The following AKAP13 variants were observed in gnomAD, a reference collection of about 807,000 sequenced individuals.
AKAP13 encodes A-kinase anchoring protein 13, also known as A-kinase anchor protein 13.
AKAP13 carries 80 observed loss-of-function variants against 264.5 expected under a neutral mutation model. The ratio of observed to expected loss-of-function variants is 0.30; its 90% CI spans 0.25 to 0.36. The LOEUF (loss-of-function observed/expected upper bound fraction) is 0.36. Among genes scored for constraint, AKAP13 ranks in the 10% least tolerant of loss-of-function variants. AKAP13 has a pLI of 1.00. For missense variants in AKAP13, 3,712 were observed against 3,435.2 expected, an observed-to-expected ratio of 1.08 and a Z score of -2.01; for synonymous variants, 1,380 against 1,250.2, an observed-to-expected ratio of 1.10 and a Z score of -2.19.
At chr15:85,420,301 C>T (rs1230960147) in intron 1 of AKAP13, among the ~76,000 whole-genome samples, 2 of 151,854 alleles carry the variant, frequency 1.3e-5, no homozygotes, top group Non-Finnish European at 2.9e-5. Flanking sequence ...GGCTTCAAGA[C>T]GTAGACTGTT....
chr15:85,687,515 C>T (rs2085009678), intron 16 of AKAP13, among the ~76,000 whole-genome samples: 1 of 152,162 alleles, frequency 6.6e-6, no homozygotes, highest in East Asian at 1.9e-4. Context: ...ATTGGTTCCT[C>T]TTTCAGACTT....
chr15:85,637,764 G>T (rs1008711563), intron 8 of AKAP13, among the ~76,000 whole-genome samples: 12 of 151,726 alleles, frequency 7.9e-5, no homozygotes, highest in African/African-American at 2.9e-4. Context: ...TACAAATATT[G>T]CTGTTAGCAC....
At position 85,722,068 on chromosome 15, in the gene AKAP13, C is replaced by T. The variant is rs759375155; in HGVS notation, c.6330C>T (p.Tyr2110=). The change falls in exon 24 of 37, where the codon TAC becomes TAT. Residue 2110 remains tyrosine (Y), a synonymous_variant. Transcript: ENST00000394518. ...FCGQHNQSVN[Y]FKDLYAKDKR... ...GGCAACATAACCAGTCTGTAAACTA[C>T]TTCAAAGACCTTTATGCCAAGGATA... 6.2e-6 allele frequency: 10 copies of T among 1,614,152 alleles called. No individual in the cohort carries two copies. The South Asian group carries it at 9.9e-5, about 16-fold the overall frequency.
At chr15:85,440,952 G>A (rs4842882) in intron 1 of AKAP13, among the ~76,000 whole-genome samples, 117,122 of 152,078 alleles carry the variant, frequency 0.77, 45,468 homozygotes, top group African/African-American at 0.81. Context: ...AAGAGCCCAC[G>A]GTTTGAAAGC....
chr15:85,594,224 T>A (rs1212672230), intron 8 of AKAP13, among the ~76,000 whole-genome samples: 1 of 152,236 alleles, frequency 6.6e-6, no homozygotes, highest in Non-Finnish European at 1.5e-5. Flanking sequence ...AAGGGTGTAC[T>A]AATTTATTCA....
chr15:85,556,707 G>T (rs976658624), intron 5 of AKAP13, among the ~76,000 whole-genome samples: 2 of 152,148 alleles, frequency 1.3e-5, no homozygotes, highest in Admixed American at 6.5e-5. Flanking sequence ...TCCCTGGCCA[G>T]CTCATTGCCA....
At chr15:85,565,220 G>A (rs2078562308) in intron 5 of AKAP13, among the ~76,000 whole-genome samples, 1 of 150,298 alleles carries the variant, frequency 6.7e-6, no homozygotes, top group Admixed American at 6.8e-5. Flanking sequence ...TTTATTCAGG[G>A]TGATAGTTTC....
intron 4 of AKAP13, among the ~76,000 whole-genome samples, chr15:85,542,055 A>G (rs1373670662): frequency 6.6e-6 from 1 of 152,238 alleles, no homozygotes; most frequent in East Asian, 1.9e-4. Flanking sequence ...CTAAAGAATC[A>G]GGTATTTCCT....
rs2087491854 is a variant in AKAP13 at position 85,724,571 on chromosome 15, C to T, written c.6745+1251C>T. Among the ~76,000 whole-genome samples the T allele has an allele frequency of 6.6e-6, 1 of 151,362 alleles. No homozygotes were observed. Among genetic ancestry groups the T allele is most frequent in the Non-Finnish European group, 1.5e-5 (1 of 67,904 alleles). On this transcript the variant is annotated intron_variant, in intron 26 of 36. Coordinates refer to ENST00000394518, the MANE Select transcript of AKAP13 (RefSeq NM_007200.5). The surrounding 1 kb of genome is among the most constrained non-coding windows in gnomAD (Gnocchi z 4.2). ...GTGACGGGAAACCAGCCCAAAGAAA[C>T]GGGAGGGGCCAGGTTGTAATGAGGT... is the stretch of plus-strand genomic sequence containing the variant.
intron 19 of AKAP13, among the ~76,000 whole-genome samples, chr15:85,713,991 G>A (rs779359191): frequency 1.1e-4 from 16 of 152,094 alleles, no homozygotes; most frequent in Non-Finnish European, 1.3e-4. Flanking sequence ...TGAATAACTC[G>A]GATGATAGGT....
At chr15:85,499,079 G>A (rs1430787243) in intron 2 of AKAP13, among the ~76,000 whole-genome samples, 2 of 152,136 alleles carry the variant, frequency 1.3e-5, no homozygotes, top group African/African-American at 4.8e-5. Flanking sequence ...AAGATGCATG[G>A]GAAAGTGTAT....
chr15:85,716,674 T>A (rs1196491681), intron 20 of AKAP13, among the ~76,000 whole-genome samples: 1 of 152,254 alleles, frequency 6.6e-6, no homozygotes, highest in Non-Finnish European at 1.5e-5. Context: ...TGTTTTCTCC[T>A]CCTCTAAAAA....
chr15:85,631,500 TCTCACACA>T (rs1286372807), intron 8 of AKAP13, among the ~76,000 whole-genome samples: 266 of 80,160 alleles, frequency 3.3e-3, no homozygotes, highest in Middle Eastern at 6.8e-3. Flanking sequence ...TCTCTCTCTC[TCTCACACA>T]CACACACACA....
chr15:85,630,234 A>AACACACACACACACACACACACAC lies in AKAP13; in HGVS notation c.4162-9130_4162-9107dup, dbSNP rs71141472. On this transcript the variant is annotated intron_variant, in intron 8 of 36. Transcript: ENST00000394518. ...ATCATGAACTAAGATGGAAAATTGT[A>AACACACACACACACACACACACAC]ACACACACACACACACACACACACA... is the stretch of plus-strand genomic sequence containing the variant. 2.0e-3 allele frequency among the ~76,000 whole-genome samples: 237 copies of AACACACACACACACACACACACAC among 119,136 alleles called. 3 individuals carry two copies. Among genetic ancestry groups the AACACACACACACACACACACACAC allele is most frequent in the African/African-American group, 6.1e-3 (190 of 31,314 alleles). 78.2% of individuals were successfully genotyped at this position (119,136 alleles called of 152,430 possible).
chr15:85,671,418 AGT>A (rs2151569341), intron 14 of AKAP13, among the ~76,000 whole-genome samples: 1 of 123,804 alleles, frequency 8.1e-6, no homozygotes, highest in Admixed American at 9.2e-5. Context: ...TGGGTGATAG[AGT>A]GAGACACTGC....
chr15:85,426,539 G>A (rs2072787988), intron 1 of AKAP13, among the ~76,000 whole-genome samples: 1 of 152,018 alleles, frequency 6.6e-6, no homozygotes, highest in East Asian at 1.9e-4. Context: ...TATTTAAAGT[G>A]TATTTTCACA....
At chr15:85,519,794 T>C (rs890512627) in intron 2 of AKAP13, among the ~76,000 whole-genome samples, 4 of 152,198 alleles carry the variant, frequency 2.6e-5, no homozygotes, top group Admixed American at 2.6e-4. Flanking sequence ...TTTGACTTGA[T>C]GATTTTTGCT....
chr15:85,535,799 CTTTT>C (rs60026361), intron 4 of AKAP13: 4 of 138,288 alleles, frequency 2.9e-5, no homozygotes, highest in African/African-American at 5.4e-5. Flanking sequence ...CTTTCTCTCT[CTTTT>C]TTTTTTTTTT....
chr15:85,580,378 G>T lies in AKAP13; in HGVS notation c.2310G>T (p.Glu770Asp). 6.2e-7 allele frequency: 1 copy of T among 1,614,250 alleles called. No homozygotes were observed. ...SHPHPVVPKM[E>D]KELVPDQAVI... Reference sequence around the variant, plus strand: ...CACATCCAGTTGTCCCTAAAATGGAGAAAGAACTGGTGCCAGACCAGGCAG... The same window carrying T: ...CACATCCAGTTGTCCCTAAAATGGATAAAGAACTGGTGCCAGACCAGGCAG... Residue 770 changes from glutamate (E) to aspartate (D), a missense_variant, in exon 7 of 37, where the codon GAG (glutamate) becomes GAT (aspartate). Coordinates refer to ENST00000394518, the MANE Select transcript of AKAP13 (RefSeq NM_007200.5).
Sources: gnomAD v4.1 joint callset for allele counts (sites outside exome capture counted in the v4.1 genomes callset) on GRCh38, gnomAD v4.1.1 for gene constraint, Gnocchi (gnomAD v3.1) non-coding constraint, MANE v1.5 for transcripts, NCBI Gene and HGNC (gene_info 2026-07-23, HGNC 2026-07-21) for gene names.